DOCK8: variants seen among roughly 807,000 people sequenced by gnomAD.
DOCK8 encodes dedicator of cytokinesis 8.
In DOCK8, 141 loss-of-function variants were observed where a neutral mutation model predicts 245.6. That is an observed-to-expected ratio of 0.57 (90% CI 0.50 to 0.66). The LOEUF is 0.66. DOCK8 is among the 30% of genes least tolerant of loss of function. DOCK8 has a pLI of 0.00. For missense variants in DOCK8, 2,965 were observed against 2,603.4 expected (o/e 1.14, Z -3.02); for synonymous variants, 1,168 against 970.2 (o/e 1.20, Z -3.79).
At chr9:420,054 G>A (rs537002012) in intron 30 of DOCK8, 48 of 357,514 alleles carry the variant, frequency 1.3e-4, no homozygotes, top group Non-Finnish European at 2.3e-4. Flanking sequence ...CAGCATGAAA[G>A]CCTCTTTGTA....
At chr9:248,203 A>C (rs1263125147) in intron 1 of DOCK8, among the ~76,000 whole-genome samples, 1 of 152,188 alleles carries the variant, frequency 6.6e-6, no homozygotes, top group Non-Finnish European at 1.5e-5. Flanking sequence ...TTGCCCCTCA[A>C]GCACCAGGGC....
At chr9:445,453 C>T (rs976984740) in intron 43 of DOCK8, among the ~76,000 whole-genome samples, 3 of 152,138 alleles carry the variant, frequency 2.0e-5, no homozygotes, top group South Asian at 2.1e-4. Context: ...AGTACTTATT[C>T]GCTCTGTGTT....
At chr9:271,779 C>T in intron 2 of DOCK8, 50 bp downstream of exon 2, 1 of 1,335,930 alleles carries the variant, frequency 7.5e-7, no homozygotes. Flanking sequence ...TGCAAAAGTG[C>T]CCAGGGTATG....
At chr9:373,662 C>G (rs2053395004) in intron 18 of DOCK8, among the ~76,000 whole-genome samples, 1 of 152,180 alleles carries the variant, frequency 6.6e-6, no homozygotes, top group Admixed American at 6.5e-5. Context: ...TGTTCTTTCG[C>G]CATCTACCGT....
At chr9:225,167 C>A (rs1296888613) in intron 1 of DOCK8, among the ~76,000 whole-genome samples, 2 of 134,816 alleles carry the variant, frequency 1.5e-5, no homozygotes, top group South Asian at 2.3e-4. Context: ...CAGAATCCAG[C>A]TGGGGTGAGT....
chr9:446,643 T>TG (rs2057271620), intron 44 of DOCK8, 37 bp downstream of exon 44: 1 of 1,600,100 alleles, frequency 6.2e-7, no homozygotes, highest in Admixed American at 1.7e-5. Context: ...ACTGGATGAG[T>TG]GGGCTGGGTG....
intron 2 of DOCK8, among the ~76,000 whole-genome samples, chr9:280,220 C>T (rs1462304191): frequency 6.6e-6 from 1 of 152,026 alleles, no homozygotes; most frequent in Non-Finnish European, 1.5e-5. Flanking sequence ...TTGTGTGTTT[C>T]TAGTCTACTG....
intron 28 of DOCK8, among the ~76,000 whole-genome samples, chr9:409,457 C>G (rs1169847998): frequency 6.6e-6 from 1 of 152,022 alleles, no homozygotes. Flanking sequence ...AGCCACAGTG[C>G]AAGAGTCTGA....
Position 368,133 on chromosome 9 carries a change from C to A in DOCK8, c.1795C>A (p.Pro599Thr). 1 of 1,612,968 alleles carries A rather than the reference C, an allele frequency of 6.2e-7. No individual in the cohort carries two copies. Among genetic ancestry groups the A allele is most frequent in the Non-Finnish European group, 8.5e-7 (1 of 1,178,984 alleles). ...TGGAGAAGATGCTAGCAATGCGATGCCGGTAAGGAGGGAAACGAACATTTG... is the reference window on the plus strand; with the variant it reads ...TGGAGAAGATGCTAGCAATGCGATGACGGTAAGGAGGGAAACGAACATTTG... ...MCGEDASNAMPVIFGKSSGPE... is the reference protein window; with the variant it reads ...MCGEDASNAMTVIFGKSSGPE... Residue 599 changes from proline (P) to threonine (T), a missense_variant and splice_region_variant, in exon 15 of 48, where the codon CCG becomes ACG. Physicochemically the swap from Pro to Thr is conservative, Grantham distance 38. Coordinates refer to ENST00000432829, the MANE Select transcript of DOCK8 (RefSeq NM_203447.4).
intron 35 of DOCK8, 138 bp from the exon 36 acceptor site, chr9:429,564 G>T (rs563380608): frequency 9.1e-6 from 9 of 987,120 alleles, no homozygotes; most frequent in Admixed American, 5.8e-5. Context: ...GATTCACATA[G>T]CTCATTATCT....
chr9:409,537 A>G (rs1244448261), intron 28 of DOCK8, among the ~76,000 whole-genome samples: 1 of 152,214 alleles, frequency 6.6e-6, no homozygotes, highest in Non-Finnish European at 1.5e-5. Context: ...TTTGTTTGAA[A>G]GAAAAAAATG....
At chr9:289,372 G>T in intron 3 of DOCK8, 138 bp from the exon 4 acceptor site, 1 of 715,424 alleles carries the variant, frequency 1.4e-6, no homozygotes. Context: ...CAGACATTTG[G>T]AATGATTGGG....
intron 1 of DOCK8, among the ~76,000 whole-genome samples, chr9:222,182 G>C (rs956274037): frequency 1.7e-4 from 26 of 152,056 alleles, no homozygotes; most frequent in South Asian, 8.3e-4. Context: ...AGGGTCACTT[G>C]AGACCAGGAG....
At chr9:326,003 A>T (rs750130153) in intron 8 of DOCK8, among the ~76,000 whole-genome samples, 8 of 152,238 alleles carry the variant, frequency 5.3e-5, no homozygotes, top group Non-Finnish European at 1.0e-4. Flanking sequence ...GCATGGGGTT[A>T]TGTATAAAAC....
intron 8 of DOCK8, among the ~76,000 whole-genome samples, chr9:326,130 G>C (rs10491694): frequency 0.12 from 18,444 of 152,152 alleles, 1,442 homozygotes; most frequent in Admixed American, 0.17. Flanking sequence ...ACATGGTAGA[G>C]GTCTCAATTT....
intron 23 of DOCK8, among the ~76,000 whole-genome samples, chr9:389,470 C>G (rs1471502141): frequency 6.6e-6 from 1 of 152,154 alleles, no homozygotes; most frequent in Non-Finnish European, 1.5e-5. Context: ...AAGATCCTCT[C>G]ATAAACCCCA....
intron 14 of DOCK8, among the ~76,000 whole-genome samples, chr9:341,351 T>C (rs905418698): frequency 6.6e-6 from 1 of 152,218 alleles, no homozygotes; most frequent in African/African-American, 2.4e-5. Flanking sequence ...TCAACACATA[T>C]CTGCCAAAGG....
At chr9:219,988 A>T (rs2046847192) in intron 1 of DOCK8, among the ~76,000 whole-genome samples, 1 of 152,262 alleles carries the variant, frequency 6.6e-6, no homozygotes, top group Admixed American at 6.5e-5. Context: ...TGCTAATTTT[A>T]TCTGCAAAGA....
At chr9:395,714 C>A (rs1415571780) in intron 24 of DOCK8, among the ~76,000 whole-genome samples, 4 of 152,112 alleles carry the variant, frequency 2.6e-5, no homozygotes, top group African/African-American at 9.7e-5. Context: ...CAGATGGTGA[C>A]AAGGGGGCCC....
Sources: allele counts gnomAD v4.1 joint callset (sites outside exome capture counted in the v4.1 genomes callset), GRCh38; gene constraint gnomAD v4.1.1; transcripts MANE v1.5; gene names NCBI Gene and HGNC (gene_info 2026-07-23, HGNC 2026-07-21).